Variants in MYT1L observed in about 807,000 individuals in gnomAD.
MYT1L encodes the protein myelin transcription factor 1 like.
MYT1L carries 12 observed loss-of-function variants against 126.7 expected under a neutral mutation model. The ratio of observed to expected loss-of-function variants is 0.09; its 90% confidence interval spans 0.06 to 0.15. The LOEUF (loss-of-function observed/expected upper bound fraction) is 0.15. Ranked by LOEUF, MYT1L falls within the 10% of genes least tolerant of loss-of-function variation. The pLI is 1.00. For synonymous variants in MYT1L, 541 were observed against 604.2 expected (o/e 0.90, Z 1.53); for missense variants, 979 against 1,585.2 (o/e 0.62, Z 6.49).
intron 9 of MYT1L, among the ~76,000 whole-genome samples, chr2:1,923,502 G>A (rs767847518): frequency 1.3e-5 from 2 of 152,190 alleles, no homozygotes; most frequent in African/African-American, 2.4e-5. Flanking sequence ...TTCTTTAATG[G>A]ATCTTAAGAT....
chr2:2,287,806 GC>G (rs1340994084), intron 1 of MYT1L, among the ~76,000 whole-genome samples: 1 of 152,198 alleles, frequency 6.6e-6, no homozygotes, highest in Non-Finnish European at 1.5e-5. Context: ...CAGAAGAGAA[GC>G]ACTTGCCTTG....
intron 4 of MYT1L, among the ~76,000 whole-genome samples, chr2:2,027,362 C>T (rs1380808358): frequency 6.6e-6 from 1 of 152,158 alleles, no homozygotes; most frequent in East Asian, 1.9e-4. Flanking sequence ...ACTCAGGCAA[C>T]AGCTGGGCCA....
intron 4 of MYT1L, among the ~76,000 whole-genome samples, chr2:2,004,115 CT>C (rs1383573983): frequency 2.2e-5 from 3 of 139,034 alleles, no homozygotes; most frequent in African/African-American, 5.5e-5. Flanking sequence ...TCCTGCGTGC[CT>C]TCCTTCCTGT....
chr2:2,161,806 G>T (rs1575576203), intron 3 of MYT1L, among the ~76,000 whole-genome samples: 1 of 152,250 alleles, frequency 6.6e-6, no homozygotes, highest in East Asian at 1.9e-4. Context: ...TGAATTTGTG[G>T]GGTACTTATT....
chr2:2,111,393 G>A (rs2079437898), intron 3 of MYT1L, among the ~76,000 whole-genome samples: 1 of 152,174 alleles, frequency 6.6e-6, no homozygotes, highest in Non-Finnish European at 1.5e-5. Context: ...CTCCAGAGAT[G>A]GACGAGAGGG....
intron 1 of MYT1L, among the ~76,000 whole-genome samples, chr2:2,296,037 A>C (rs992953811): frequency 6.6e-6 from 1 of 152,202 alleles, no homozygotes; most frequent in Non-Finnish European, 1.5e-5. Flanking sequence ...GCAACCCAAG[A>C]GCGGAGTTAC....
rs142574651 is a variant in MYT1L at position 2,292,286 on chromosome 2, C to T, written c.-520-7783G>A. On this transcript the variant is annotated intron_variant, in intron 1 of 24. Transcript: ENST00000647738. ...CTCCTGAAGCTGAGTCGGTGCCGCT[C>T]AGGCCAGCCTGCGGCCTCCTTGGTT... Among the ~76,000 whole-genome samples, 686 of 152,322 alleles carry T rather than the reference C, an allele frequency of 4.5e-3. 3 individuals carry two copies. The highest frequency in any genetic ancestry group is 0.016 in the African/African-American group (658 of 41,580).
intron 1 of MYT1L, among the ~76,000 whole-genome samples, chr2:2,292,622 C>A (rs2095616358): frequency 6.6e-6 from 1 of 152,132 alleles, no homozygotes; most frequent in Non-Finnish European, 1.5e-5. Flanking sequence ...ACAGACATAG[C>A]CGTCTGTGTG....
At chr2:1,981,617 A>C (rs1265730854) in intron 5 of MYT1L, among the ~76,000 whole-genome samples, 2 of 152,248 alleles carry the variant, frequency 1.3e-5, no homozygotes, top group African/African-American at 4.8e-5. Context: ...GGCCACGTGC[A>C]GTGTTGGAAG....
Position 2,112,230 on chromosome 2 carries a change from G to A in MYT1L, c.-303-58107C>T, listed in dbSNP as rs189033292. On this transcript the variant is annotated intron_variant, in intron 3 of 24. Coordinates refer to ENST00000647738, the MANE Select transcript of MYT1L (RefSeq NM_001303052.2). ...CTTTAAAACAAGGCATCTCTCTATC[G>A]AAGCTCACAGCAGGCTTCTGTGACC... Among the ~76,000 whole-genome samples, 179 of 152,128 alleles carry A rather than the reference G, an allele frequency of 1.2e-3. 1 individual carries two copies. The highest frequency in any genetic ancestry group is 3.6e-3 in the African/African-American group (151 of 41,500).
At chr2:2,149,397 A>T (rs1178313276) in intron 3 of MYT1L, among the ~76,000 whole-genome samples, 1 of 152,204 alleles carries the variant, frequency 6.6e-6, no homozygotes, top group East Asian at 1.9e-4. Flanking sequence ...CTGCATGGAG[A>T]TTATCAACAA....
At position 1,881,319 on chromosome 2, in the gene MYT1L, CCAAGACCTG is replaced by C. The variant is rs1265002096; in HGVS notation, c.2711+5211_2711+5219del. On this transcript the variant is annotated intron_variant, in intron 18 of 24. Coordinates refer to ENST00000647738, the MANE Select transcript of MYT1L (RefSeq NM_001303052.2). ...TTCCCTCAACAAGAAACTCCGTGAA[CCAAGACCTG>C]GGTGGTTTATTGTTGGTTTGCAGGT... is the stretch of plus-strand genomic sequence containing the variant. Among the ~76,000 whole-genome samples the C allele has an allele frequency of 2.7e-5, 4 of 150,812 alleles. No homozygotes were observed. The East Asian group carries it at 7.8e-4, about 30-fold the overall frequency.
intron 2 of MYT1L, among the ~76,000 whole-genome samples, chr2:2,200,302 C>A (rs1350501018): frequency 1.3e-5 from 2 of 152,166 alleles, no homozygotes; most frequent in Non-Finnish European, 2.9e-5. Flanking sequence ...AAATGGCACA[C>A]AATTACTAGG....
intron 18 of MYT1L, among the ~76,000 whole-genome samples, chr2:1,880,766 C>A (rs917031636): frequency 6.6e-6 from 1 of 152,124 alleles, no homozygotes; most frequent in African/African-American, 2.4e-5. Flanking sequence ...TCTGCGTTTT[C>A]TTTTGCACAA....
At chr2:2,008,673 C>G (rs2063548465) in intron 4 of MYT1L, among the ~76,000 whole-genome samples, 1 of 152,034 alleles carries the variant, frequency 6.6e-6, no homozygotes, top group African/African-American at 2.4e-5. Context: ...TGTGCAGAAG[C>G]TTTATGGTTT....
At chr2:1,987,310 GT>G (rs765457477) in intron 5 of MYT1L, among the ~76,000 whole-genome samples, 15 of 148,750 alleles carry the variant, frequency 1.0e-4, no homozygotes, top group Non-Finnish European at 2.1e-4. Context: ...CTTGATTTCT[GT>G]TTTTTTTGTT....
At chr2:2,214,124 A>G (rs1002566625) in intron 2 of MYT1L, among the ~76,000 whole-genome samples, 9 of 152,128 alleles carry the variant, frequency 5.9e-5, no homozygotes, top group Admixed American at 5.9e-4. Context: ...TAACAATTGA[A>G]ATTATCTAAA....
intron 2 of MYT1L, among the ~76,000 whole-genome samples, chr2:2,206,790 C>G (rs1386806722): frequency 6.6e-6 from 1 of 152,202 alleles, no homozygotes; most frequent in Non-Finnish European, 1.5e-5. Context: ...TACTTACTCT[C>G]CTACTATAGA....
intron 14 of MYT1L, among the ~76,000 whole-genome samples, chr2:1,893,230 A>G (rs928282666): frequency 4.0e-4 from 61 of 152,248 alleles, no homozygotes; most frequent in African/African-American, 1.4e-3. Context: ...TCCAGGATTT[A>G]TCCGATGGGT....
Sources: gnomAD v4.1 joint callset for allele counts (sites outside exome capture counted in the v4.1 genomes callset) on GRCh38, gnomAD v4.1.1 for gene constraint, MANE v1.5 for transcripts, NCBI Gene and HGNC (gene_info 2026-07-23, HGNC 2026-07-21) for gene names.